Variants in CCDC33 observed in about 807,000 individuals in gnomAD.
CCDC33 encodes the protein coiled-coil domain-containing protein 33.
A neutral mutation model predicts 91.9 loss-of-function variants in CCDC33; 94 were observed. The observed-to-expected ratio is 1.02, with a 90% confidence interval of 0.87 to 1.21. The LOEUF is 1.21. CCDC33 is among the 50% of genes most tolerant of loss of function. CCDC33 has a pLI of 0.00. For synonymous variants in CCDC33, 396 were observed against 374.5 expected (o/e 1.06, Z -0.66); for missense variants, 940 against 935.5 (o/e 1.00, Z -0.06).
At chr15:74,318,123 CAG>C (rs1425120979) in intron 11 of CCDC33, among the ~76,000 whole-genome samples, 1 of 126,454 alleles carries the variant, frequency 7.9e-6, no homozygotes, top group Non-Finnish European at 1.7e-5. Flanking sequence ...AAGGGGGAAT[CAG>C]GGAGCAGAGA....
chr15:74,234,755 C>T (rs2075092620), upstream of CCDC33, among the ~76,000 whole-genome samples: 1 of 152,196 alleles, frequency 6.6e-6, no homozygotes, highest in African/African-American at 2.4e-5. Flanking sequence ...AGCCCCGAGC[C>T]CCGGGGACTG....
At position 74,333,864 on chromosome 15, in the gene CCDC33, T is replaced by G; in HGVS notation, c.1939-17T>G. 6.2e-7 allele frequency: 1 copy of G among 1,609,254 alleles called. No individual in the cohort carries two copies. Among genetic ancestry groups the G allele is most frequent in the Non-Finnish European group, 8.5e-7 (1 of 1,176,246 alleles). ...CCTCCAGCTGGGGCCAAATGTGAGT[T>G]TGTGCTTTGCCCACAGGATCTCCTC... On this transcript the variant is annotated splice_polypyrimidine_tract_variant and intron_variant, in intron 16 of 18. Transcript: ENST00000398814.
intron 16 of CCDC33, chr15:74,333,125 T>G: frequency 2.0e-6 from 2 of 1,012,860 alleles, no homozygotes; most frequent in Non-Finnish European, 3.0e-6. Context: ...TTCACCTGGC[T>G]GGCCTCCACC....
chr15:74,327,276 C>T (rs541247991), intron 11 of CCDC33, among the ~76,000 whole-genome samples: 30 of 152,298 alleles, frequency 2.0e-4, no homozygotes, highest in Admixed American at 7.8e-4. Context: ...AAGCCATGCT[C>T]TCCCTCCATC....
chr15:74,259,945 G>A (rs2075975578), intron 2 of CCDC33, among the ~76,000 whole-genome samples: 1 of 152,252 alleles, frequency 6.6e-6, no homozygotes, highest in South Asian at 2.1e-4. Flanking sequence ...GGTGCAGAAG[G>A]ACTGACTTCT....
intron 1 of CCDC33, among the ~76,000 whole-genome samples, chr15:74,240,733 C>T (rs894547502): frequency 6.6e-6 from 1 of 152,168 alleles, no homozygotes; most frequent in Non-Finnish European, 1.5e-5. Flanking sequence ...GCTGGGATTA[C>T]AGCCTCATGC....
intron 2 of CCDC33, among the ~76,000 whole-genome samples, chr15:74,257,519 C>T (rs1301123586): frequency 6.6e-6 from 1 of 152,228 alleles, no homozygotes; most frequent in Non-Finnish European, 1.5e-5. Context: ...GGGCTCTTCC[C>T]TCCTGCCTGC....
intron 10 of CCDC33, among the ~76,000 whole-genome samples, chr15:74,291,727 A>C (rs1265748522): frequency 6.6e-6 from 1 of 152,184 alleles, no homozygotes; most frequent in Non-Finnish European, 1.5e-5. Flanking sequence ...ATTTTGCATG[A>C]TTGGGGATCT....
intron 11 of CCDC33, among the ~76,000 whole-genome samples, chr15:74,328,219 G>A (rs529893567): frequency 2.0e-5 from 3 of 152,342 alleles, no homozygotes; most frequent in Admixed American, 6.5e-5. Context: ...CACAGCAAAG[G>A]AAGGGCCTGG....
chr15:74,223,723 TACACACACACACACAC>T (rs55820464), intron 2 of CCDC33, among the ~76,000 whole-genome samples: 2 of 112,190 alleles, frequency 1.8e-5, no homozygotes, highest in East Asian at 2.4e-4. Flanking sequence ...ACCGCCAGCA[TACACACACACACACAC>T]ACACACACAC....
chr15:74,331,209 G>T lies in CCDC33; in HGVS notation c.1684G>T (p.Glu562Ter). The change falls in exon 15 of 19, where the codon GAG (glutamate) becomes TAG (stop). Residue 562 changes from glutamate to a stop codon, truncating the protein, a stop_gained. Transcript: ENST00000398814. LOFTEE classifies it high-confidence loss of function. Reference protein sequence around the residue: ...ETVRHQEKVIEKMERVLEDRL... With the variant: ...ETVRHQEKVI ...CCTCTGCTCTGCTCTCCAGGTGATC[G>T]AGAAGATGGAGCGGGTGCTGGAGGA... is the stretch of plus-strand genomic sequence containing the variant. 2 of 1,614,204 alleles carry T rather than the reference G, an allele frequency of 1.2e-6. No homozygotes were observed. Among genetic ancestry groups the T allele is most frequent in the Non-Finnish European group, 1.7e-6 (2 of 1,180,022 alleles).
At chr15:74,330,385 G>C (rs773921732) in intron 12 of CCDC33, 31 bp downstream of exon 12, 1 of 1,530,926 alleles carries the variant, frequency 6.5e-7, no homozygotes, top group East Asian at 2.4e-5. Context: ...AAGGGCACCC[G>C]GGCTTCTGCC....
downstream of CCDC33, chr15:74,336,270 T>A (rs755437838): frequency 7.1e-7 from 1 of 1,416,658 alleles, no homozygotes; most frequent in South Asian, 1.3e-5. Context: ...GGAGCCAGCA[T>A]CTTTGGAAAG....
At chr15:74,289,883 C>T (rs1305893943) in intron 10 of CCDC33, among the ~76,000 whole-genome samples, 2 of 152,196 alleles carry the variant, frequency 1.3e-5, no homozygotes, top group African/African-American at 4.8e-5. Flanking sequence ...TGTATTAAGT[C>T]AGAATGCAGA....
chr15:74,205,287 A>AG (rs1471335189), intron 1 of CCDC33, among the ~76,000 whole-genome samples: 1 of 152,112 alleles, frequency 6.6e-6, no homozygotes, highest in Non-Finnish European at 1.5e-5. Flanking sequence ...TTAGAAGGAA[A>AG]GGGGGTTTAT....
chr15:74,294,436 T>G (rs2059640377), intron 10 of CCDC33, among the ~76,000 whole-genome samples: 1 of 56,244 alleles, frequency 1.8e-5, no homozygotes, highest in Non-Finnish European at 3.4e-5. Context: ...ACTTAAAATT[T>G]TATTTAAAAA....
chr15:74,266,689 A>C lies in CCDC33; in HGVS notation c.331A>C (p.Lys111Gln). Reference protein sequence around the residue: ...EDAGQEDVILKVVDNRKKQEL... With the variant: ...EDAGQEDVILQVVDNRKKQEL... ...TTTTCTCTTTCCAGATGTGATCCTC[A>C]AGGTGGTGGACAACAGAAAGAAACA... is the stretch of plus-strand genomic sequence containing the variant. Residue 111 changes from lysine (K) to glutamine (Q), a missense_variant, in exon 4 of 19, where the codon AAG becomes CAG. Transcript: ENST00000398814. 6.2e-7 allele frequency: 1 copy of C among 1,613,482 alleles called. No homozygotes were observed. The highest frequency in any genetic ancestry group is 8.5e-7 in the Non-Finnish European group (1 of 1,179,408).
rs187237655 is a variant in CCDC33, at chr15:74,323,434, T to C, written c.1291-6755T>C. On this transcript the variant is annotated intron_variant, in intron 11 of 18. Transcript: ENST00000398814. ...AGCATCACCAGCATCCTCACGCCCCTCATGCCCCTCCCAGCCACACCCCTC... is the reference window on the plus strand; with the variant it reads ...AGCATCACCAGCATCCTCACGCCCCCCATGCCCCTCCCAGCCACACCCCTC... Among the ~76,000 whole-genome samples, 64 of 152,134 alleles carry C rather than the reference T, an allele frequency of 4.2e-4. 1 individual carries two copies. The highest frequency in any genetic ancestry group is 1.5e-3 in the African/African-American group (62 of 41,514).
At chr15:74,268,236 C>T (rs1453530008) in intron 4 of CCDC33, 106 bp from the exon 5 acceptor site, 26 of 787,558 alleles carry the variant, frequency 3.3e-5, no homozygotes, top group Admixed American at 3.0e-4. Context: ...GGAGCCCCAG[C>T]GGAGCAATGC....
Sources: allele counts gnomAD v4.1 joint callset (sites outside exome capture counted in the v4.1 genomes callset), GRCh38; gene constraint gnomAD v4.1.1; transcripts MANE v1.5; gene names NCBI Gene and HGNC (gene_info 2026-07-23, HGNC 2026-07-21).